UTRN: variants seen among roughly 807,000 people sequenced by gnomAD.
UTRN encodes the protein dystrophin-related protein 1.
UTRN carries 283 observed loss-of-function variants against 463.9 expected under a neutral mutation model. The ratio of observed to expected loss-of-function variants is 0.61; its 90% CI spans 0.55 to 0.67. UTRN has a LOEUF of 0.67. Ranked by LOEUF, UTRN falls within the 30% of genes least tolerant of loss-of-function variation. UTRN has a pLI of 0.00. For synonymous variants in UTRN, 1,442 were observed against 1,431.5 expected (o/e 1.01, Z -0.17); for missense variants, 3,922 against 4,084.3 (o/e 0.96, Z 1.08).
chr6:144,742,282 A>T (rs1479261471), intron 54 of UTRN, among the ~76,000 whole-genome samples: 1 of 152,154 alleles, frequency 6.6e-6, no homozygotes, highest in Non-Finnish European at 1.5e-5. Context: ...GTGGCACTTG[A>T]TGATGTACTT....
intron 52 of UTRN, among the ~76,000 whole-genome samples, chr6:144,685,704 T>C (rs1013037538): frequency 1.3e-5 from 2 of 152,182 alleles, no homozygotes; most frequent in Non-Finnish European, 2.9e-5. Context: ...CACTTTTTAG[T>C]AGGATTATTT....
At chr6:144,724,790 A>G (rs1042506299) in intron 53 of UTRN, among the ~76,000 whole-genome samples, 4 of 152,128 alleles carry the variant, frequency 2.6e-5, no homozygotes, top group African/African-American at 9.7e-5. Flanking sequence ...ACTGAATAAG[A>G]TGTCATTGTA....
At chr6:144,790,145 T>C (rs550120989) in intron 62 of UTRN, among the ~76,000 whole-genome samples, 2 of 152,316 alleles carry the variant, frequency 1.3e-5, no homozygotes, top group East Asian at 1.9e-4. Flanking sequence ...TACCTAGAAA[T>C]AGCAGTTGTT....
chr6:144,491,109 CT>C lies in UTRN; in HGVS notation c.4437+11del. The C allele has an allele frequency of 6.3e-7, 1 of 1,588,902 alleles. No homozygotes were observed. ...GCACCTGGACAAGTGTATGGTGAGG[CT>C]TTTGGGTGATTGGCACATCCAGTGG... On this transcript the variant is annotated splice_region_variant and intron_variant, in intron 32 of 74. Coordinates refer to ENST00000367545, the MANE Select transcript of UTRN (RefSeq NM_007124.3).
intron 28 of UTRN, 129 bp from the exon 29 acceptor site, chr6:144,487,419 T>A: frequency 1.1e-6 from 1 of 891,112 alleles, no homozygotes; most frequent in Non-Finnish European, 1.5e-6. Context: ...ACTTAACTTT[T>A]GGTCCTGTTA....
At chr6:144,398,340 C>A in intron 2 of UTRN, 1 of 341,100 alleles carries the variant, frequency 2.9e-6, no homozygotes, top group Non-Finnish European at 5.9e-6. Flanking sequence ...TGTTGGGCCA[C>A]ACTTGTGCCT....
At chr6:144,401,698 A>G (rs893772291) in intron 2 of UTRN, among the ~76,000 whole-genome samples, 3 of 151,220 alleles carry the variant, frequency 2.0e-5, no homozygotes, top group African/African-American at 4.9e-5. Context: ...AGCTGCTGCT[A>G]TATTTATTCT....
At chr6:144,794,386 A>G (rs1343246017) in intron 63 of UTRN, among the ~76,000 whole-genome samples, 2 of 152,084 alleles carry the variant, frequency 1.3e-5, no homozygotes, top group East Asian at 3.9e-4. Context: ...CCCATTGCCC[A>G]CTACCTCCCT....
chr6:144,451,096 G>A (rs1261307391), intron 17 of UTRN, among the ~76,000 whole-genome samples: 1 of 151,842 alleles, frequency 6.6e-6, no homozygotes, highest in East Asian at 1.9e-4. Context: ...TGGGTGACAG[G>A]GCGAGACTCC....
At chr6:144,379,887 T>C (rs1363809051) in intron 2 of UTRN, among the ~76,000 whole-genome samples, 1 of 152,168 alleles carries the variant, frequency 6.6e-6, no homozygotes, top group East Asian at 1.9e-4. Context: ...CTTTAGGAAA[T>C]CTAACTTGTA....
At position 144,840,663 on chromosome 6, in the gene UTRN, C is replaced by T; in HGVS notation, c.10178-77C>T. The T allele has an allele frequency of 2.0e-6, 3 of 1,508,956 alleles. No individual in the cohort carries two copies. In the Admixed American group the frequency reaches 5.3e-5, roughly 27 times the overall value. 93.5% of individuals were successfully genotyped at this position (1,508,956 alleles called of 1,614,324 possible). A position where few individuals can be genotyped will look rare whatever the true frequency, so the allele number is the denominator to read the frequency against. ...ATTTAGAGGCTGGTTGGAGTATTTC[C>T]TCCTGAATTTGGGTTTTAGTGGAAG... On this transcript the variant is annotated intron_variant, in intron 72 of 74. Coordinates refer to ENST00000367545, the MANE Select transcript of UTRN (RefSeq NM_007124.3).
chr6:144,824,585 TATATATATATATATATATATATATATATC>T, intron 66 of UTRN, among the ~76,000 whole-genome samples: 1 of 37,566 alleles, frequency 2.7e-5, no homozygotes, highest in Non-Finnish European at 4.3e-5. Context: ...TATATATATA[TATATATATATATATATATATATATATATC>T]TTTTTTTTTT....
chr6:144,382,711 T>C (rs1036215348), intron 2 of UTRN, among the ~76,000 whole-genome samples: 5 of 152,230 alleles, frequency 3.3e-5, no homozygotes, highest in African/African-American at 1.2e-4. Context: ...AGTTTTACCT[T>C]ATAAGGCTGT....
At chr6:144,594,762 A>G (rs1384504307) in intron 51 of UTRN, among the ~76,000 whole-genome samples, 1 of 152,126 alleles carries the variant, frequency 6.6e-6, no homozygotes, top group Non-Finnish European at 1.5e-5. Flanking sequence ...CCTCACACTC[A>G]TGAGCAGTCA....
chr6:144,335,572 C>T (rs1776653496), intron 2 of UTRN, among the ~76,000 whole-genome samples: 1 of 152,188 alleles, frequency 6.6e-6, no homozygotes, highest in Non-Finnish European at 1.5e-5. Context: ...ATAGCACTTG[C>T]CTTGCCTGGC....
At chr6:144,785,591 A>G (rs1776228940) in intron 61 of UTRN, among the ~76,000 whole-genome samples, 1 of 150,970 alleles carries the variant, frequency 6.6e-6, no homozygotes, top group Non-Finnish European at 1.5e-5. Context: ...ACCTCCTGAT[A>G]TTCTGAACTT....
chr6:144,721,848 A>G (rs1465780886), intron 53 of UTRN, among the ~76,000 whole-genome samples: 1 of 151,880 alleles, frequency 6.6e-6, no homozygotes, highest in African/African-American at 2.4e-5. Context: ...AATTTCATGC[A>G]CTAAAGTTTG....
chr6:144,803,603 A>T (rs1488762005), intron 65 of UTRN, among the ~76,000 whole-genome samples: 1 of 151,988 alleles, frequency 6.6e-6, no homozygotes, highest in East Asian at 1.9e-4. Context: ...ATATTTATGT[A>T]TCTTTTTCCC....
Position 144,429,748 on chromosome 6 carries a change from G to C in UTRN, c.855+7G>C, listed in dbSNP as rs759170770. 1.2e-6 allele frequency: 2 copies of C among 1,602,610 alleles called. No homozygotes were observed. The highest frequency in any genetic ancestry group is 1.1e-5 in the South Asian group (1 of 88,258). On this transcript the variant is annotated splice_region_variant and intron_variant, in intron 9 of 74. Coordinates refer to ENST00000367545, the MANE Select transcript of UTRN (RefSeq NM_007124.3). ...AGAGGCAATTAATATACAGGTACAG[G>C]TAACATTTTATTAAGATGTTTGGCT...
Sources: gnomAD v4.1 joint callset for allele counts (sites outside exome capture counted in the v4.1 genomes callset) on GRCh38, gnomAD v4.1.1 for gene constraint, MANE v1.5 for transcripts, NCBI Gene and HGNC (gene_info 2026-07-23, HGNC 2026-07-21) for gene names.